Variants in IQSEC3 observed in about 807,000 individuals in gnomAD.
IQSEC3 encodes the protein IQ motif and SEC7 domain-containing protein 3.
IQSEC3 carries 50 observed loss-of-function variants against 105.4 expected under a neutral mutation model. The observed-to-expected ratio is 0.47, with a 90% confidence interval of 0.38 to 0.60. IQSEC3 has a LOEUF of 0.60. IQSEC3 is among the 20% of genes least tolerant of loss of function. The pLI is 0.00. For synonymous variants in IQSEC3, 708 were observed against 746.0 expected (o/e 0.95, Z 0.83); for missense variants, 1,415 against 1,630.0 (o/e 0.87, Z 2.27).
chr12:170,886 A>G (rs1048599618), intron 12 of IQSEC3, among the ~76,000 whole-genome samples: 8 of 152,242 alleles, frequency 5.3e-5, no homozygotes, highest in Non-Finnish European at 7.3e-5. Flanking sequence ...TGCCAACATC[A>G]GAAAGAGCGG....
intron 2 of IQSEC3, among the ~76,000 whole-genome samples, chr12:113,943 A>G (rs1864972256): frequency 6.6e-6 from 1 of 152,244 alleles, no homozygotes; most frequent in East Asian, 1.9e-4. Context: ...GGCACTTGAA[A>G]GCATAAACCA....
At chr12:163,468 C>T in intron 8 of IQSEC3, 26 bp from the exon 9 acceptor site, 1 of 1,585,760 alleles carries the variant, frequency 6.3e-7, no homozygotes, top group Admixed American at 1.7e-5. Flanking sequence ...CTGGTCTCTC[C>T]CGCTGAGCGC....
chr12:96,257 C>T (rs1263081587), intron 1 of IQSEC3, among the ~76,000 whole-genome samples: 4 of 152,170 alleles, frequency 2.6e-5, no homozygotes, highest in African/African-American at 4.8e-5. Context: ...TATCAAAAGA[C>T]GTGGAATCAG....
intron 8 of IQSEC3, among the ~76,000 whole-genome samples, chr12:162,982 T>G (rs1384529373): frequency 6.6e-6 from 1 of 152,056 alleles, no homozygotes; most frequent in African/African-American, 2.4e-5. Flanking sequence ...TATCCCCTCA[T>G]TTACTGTGGC....
At chr12:168,136 C>A (rs1168977316) in intron 11 of IQSEC3, among the ~76,000 whole-genome samples, 1 of 152,192 alleles carries the variant, frequency 6.6e-6, no homozygotes, top group African/African-American at 2.4e-5. Flanking sequence ...TGAGTTATGT[C>A]TCCTGGAAAA....
Position 171,096 on chromosome 12 carries a change from C to G in IQSEC3, c.3065-16C>G. 6.2e-7 allele frequency: 1 copy of G among 1,613,482 alleles called. No homozygotes were observed. The highest frequency in any genetic ancestry group is 8.5e-7 in the Non-Finnish European group (1 of 1,179,894). On this transcript the variant is annotated splice_polypyrimidine_tract_variant and intron_variant, in intron 12 of 13. Coordinates refer to ENST00000538872, the MANE Select transcript of IQSEC3 (RefSeq NM_001170738.2). Reference sequence around the variant, plus strand: ...CAGCCGGTGGAGAATGAGCCCTGTGCTCTTTGCATTCAAAGCCAAAAGGGA... The same window carrying G: ...CAGCCGGTGGAGAATGAGCCCTGTGGTCTTTGCATTCAAAGCCAAAAGGGA...
chr12:132,210 T>G, intron 3 of IQSEC3, among the ~76,000 whole-genome samples: 1 of 151,258 alleles, frequency 6.6e-6, no homozygotes, highest in East Asian at 1.9e-4. Context: ...GGAGTTGAGG[T>G]TGGGGAGAGC....
At chr12:128,323 T>C (rs1243872613) in intron 3 of IQSEC3, among the ~76,000 whole-genome samples, 1 of 152,160 alleles carries the variant, frequency 6.6e-6, no homozygotes, top group African/African-American at 2.4e-5. Context: ...CTTAATGCAG[T>C]GCCTGGCGAA....
At chr12:119,886 C>T (rs1865163952) in intron 2 of IQSEC3, among the ~76,000 whole-genome samples, 1 of 152,156 alleles carries the variant, frequency 6.6e-6, no homozygotes, top group Non-Finnish European at 1.5e-5. Context: ...AGGCACTCTC[C>T]ACAGTGCTCC....
intron 2 of IQSEC3, among the ~76,000 whole-genome samples, chr12:116,073 A>G (rs1555080556): frequency 6.6e-6 from 1 of 152,236 alleles, no homozygotes; most frequent in African/African-American, 2.4e-5. Flanking sequence ...GACAAAATAA[A>G]ACATGGGACG....
At chr12:113,152 G>A (rs1555079943) in intron 2 of IQSEC3, among the ~76,000 whole-genome samples, 2 of 152,172 alleles carry the variant, frequency 1.3e-5, no homozygotes, top group African/African-American at 4.8e-5. Context: ...GGGCTTGGAT[G>A]CAGTTTCTTG....
chr12:133,184 C>T (rs149661586), intron 3 of IQSEC3, among the ~76,000 whole-genome samples: 1 of 152,216 alleles, frequency 6.6e-6, no homozygotes, highest in Non-Finnish European at 1.5e-5. Context: ...CTGACTGACA[C>T]AGCTCCCTTC....
At chr12:150,066 G>C (rs1555092212) in intron 5 of IQSEC3, among the ~76,000 whole-genome samples, 1 of 152,144 alleles carries the variant, frequency 6.6e-6, no homozygotes, top group Non-Finnish European at 1.5e-5. Flanking sequence ...TAACAGCCAT[G>C]ATGAGAAAGG....
intron 2 of IQSEC3, among the ~76,000 whole-genome samples, chr12:112,590 G>T (rs1864928090): frequency 6.6e-6 from 1 of 152,180 alleles, no homozygotes; most frequent in South Asian, 2.1e-4. Flanking sequence ...CACTGACCTA[G>T]ACAAGGCACA....
intron 3 of IQSEC3, among the ~76,000 whole-genome samples, chr12:126,926 T>C (rs1217088187): frequency 6.6e-6 from 1 of 152,178 alleles, no homozygotes; most frequent in Non-Finnish European, 1.5e-5. Flanking sequence ...ATATCCTGGC[T>C]CAGGCCAGCT....
chr12:157,487 G>A (rs782138443), intron 6 of IQSEC3, 41 bp from the exon 7 acceptor site: 6 of 1,545,316 alleles, frequency 3.9e-6, no homozygotes, highest in Admixed American at 1.7e-5. Context: ...GGGAGGGTGG[G>A]CGGGGGCTCA....
chr12:118,449 T>C (rs1865118284), intron 2 of IQSEC3, among the ~76,000 whole-genome samples: 1 of 151,162 alleles, frequency 6.6e-6, no homozygotes, highest in Non-Finnish European at 1.5e-5. Flanking sequence ...CGCATGTTGT[T>C]AGCTTTTGTC....
Position 138,733 on chromosome 12 carries a change from A to C in IQSEC3, c.1370A>C (p.Glu457Ala). ...CTGGAGGCCGAGGGGCGGGCGCCGG[A>C]GAGCGCGGGCCCCGGGCCCGGGGAT... ...PGLEAEGRAPESAGPGPGDDA... is the reference protein window; with the variant it reads ...PGLEAEGRAPASAGPGPGDDA... The change falls in exon 4 of 14, where the codon GAG (glutamate) becomes GCG (alanine). Residue 457 changes from glutamate (E) to alanine (A), a missense_variant. Physicochemically the swap from Glu to Ala is moderately radical, Grantham distance 107. Transcript: ENST00000538872. The surrounding 1 kb of genome is among the most constrained non-coding windows in gnomAD (Gnocchi z 7.1). 6.6e-7 allele frequency: 1 copy of C among 1,506,200 alleles called. No homozygotes were observed. The highest frequency in any genetic ancestry group is 2.5e-5 in the East Asian group (1 of 40,676). 93.3% of individuals were successfully genotyped at this position (1,506,200 alleles called of 1,614,324 possible).
At position 157,714 on chromosome 12, in the gene IQSEC3, G is replaced by A; in HGVS notation, c.2443+20G>A. 1 of 1,603,448 alleles carries A rather than the reference G, an allele frequency of 6.2e-7. No individual in the cohort carries two copies. The highest frequency in any genetic ancestry group is 1.1e-5 in the South Asian group (1 of 89,026). The stretch of plus-strand genomic sequence containing the variant: ...TTCGAGGTGAGGAGGTGGGCACTGG[G>A]GCAGGAGGGGCAAGGCCACGGCTCA... On this transcript the variant is annotated intron_variant, in intron 7 of 13. Coordinates refer to ENST00000538872, the MANE Select transcript of IQSEC3 (RefSeq NM_001170738.2).
Sources: allele counts gnomAD v4.1 joint callset (sites outside exome capture counted in the v4.1 genomes callset), GRCh38; gene constraint gnomAD v4.1.1; non-coding constraint Gnocchi (gnomAD v3.1); transcripts MANE v1.5; gene names NCBI Gene and HGNC (gene_info 2026-07-23, HGNC 2026-07-21).